Variants in RANGAP1 observed in about 807,000 individuals in gnomAD.
RANGAP1 encodes ran GTPase-activating protein 1.
RANGAP1 carries 38 observed loss-of-function variants against 63.5 expected under a neutral mutation model. The ratio of observed to expected loss-of-function variants is 0.60; its 90% CI spans 0.46 to 0.78. RANGAP1 has a LOEUF of 0.78. Among genes scored for constraint, RANGAP1 ranks in the 30% least tolerant of loss-of-function variants. RANGAP1 has a pLI of 0.00. For synonymous variants in RANGAP1, 329 were observed against 310.5 expected (o/e 1.06, Z -0.63); for missense variants, 630 against 740.3 (o/e 0.85, Z 1.73).
intron 5 of RANGAP1, among the ~76,000 whole-genome samples, chr22:41,263,573 TG>T (rs1296309648): frequency 6.6e-6 from 1 of 152,162 alleles, no homozygotes; most frequent in Non-Finnish European, 1.5e-5. Flanking sequence ...TTAGTAGAGA[TG>T]GGGTTTCACC....
chr22:41,268,828 G>A (rs774813435), intron 3 of RANGAP1, among the ~76,000 whole-genome samples: 3 of 152,094 alleles, frequency 2.0e-5, no homozygotes, highest in Admixed American at 6.5e-5. Flanking sequence ...GCCGAGGCGG[G>A]CAGATCACTT....
At chr22:41,269,500 G>C (rs189925975) in intron 3 of RANGAP1, among the ~76,000 whole-genome samples, 1 of 151,406 alleles carries the variant, frequency 6.6e-6, no homozygotes, top group East Asian at 1.9e-4. Context: ...CTTGGGAGGC[G>C]GAGACAGGCA....
intron 11 of RANGAP1, among the ~76,000 whole-genome samples, chr22:41,253,779 G>A (rs2033633024): frequency 6.6e-6 from 1 of 152,184 alleles, no homozygotes; most frequent in South Asian, 2.1e-4. Context: ...ACTGCTACCT[G>A]TAAATAGACA....
At chr22:41,264,538 A>G in intron 5 of RANGAP1, 126 bp downstream of exon 5, 1 of 1,214,152 alleles carries the variant, frequency 8.2e-7, no homozygotes, top group Non-Finnish European at 1.1e-6. Context: ...GTTGCCTTTG[A>G]GGCCTTTCTC....
At chr22:41,273,066 G>T (rs948522233) in intron 3 of RANGAP1, among the ~76,000 whole-genome samples, 1 of 152,164 alleles carries the variant, frequency 6.6e-6, no homozygotes, top group Non-Finnish European at 1.5e-5. Context: ...AAAGTGCTGG[G>T]ATTATAGCTG....
intron 4 of RANGAP1, among the ~76,000 whole-genome samples, chr22:41,267,703 G>C (rs1007960412): frequency 5.3e-5 from 8 of 152,148 alleles, no homozygotes; most frequent in African/African-American, 1.9e-4. Context: ...AGATGGGGAC[G>C]GCTACATGGG....
intron 3 of RANGAP1, among the ~76,000 whole-genome samples, chr22:41,272,311 A>C (rs1374205622): frequency 6.6e-6 from 1 of 152,128 alleles, no homozygotes; most frequent in Non-Finnish European, 1.5e-5. Context: ...GCAGGAGAGC[A>C]GAAACAATCA....
chr22:41,283,561 A>C (rs764012246), intron 1 of RANGAP1, among the ~76,000 whole-genome samples: 2 of 152,108 alleles, frequency 1.3e-5, no homozygotes, highest in African/African-American at 2.4e-5. Flanking sequence ...ACAACAACAA[A>C]AAGGCATTAT....
intron 1 of RANGAP1, 98 bp downstream of exon 1, chr22:41,285,888 G>GGCCGAA (rs1447300736): frequency 5.4e-6 from 1 of 185,882 alleles, no homozygotes; most frequent in Non-Finnish European, 1.0e-5. Flanking sequence ...AGAAGGCCGA[G>GGCCGAA]GGGGCAGGCA....
rs779179722 is a variant in RANGAP1 at position 41,280,935 on chromosome 22, T to A, written c.110A>T (p.Asp37Val). 1 of 1,613,956 alleles carries A rather than the reference T, an allele frequency of 6.2e-7. No individual in the cohort carries two copies. The highest frequency in any genetic ancestry group is 8.5e-7 in the Non-Finnish European group (1 of 1,180,022). ...GTGCACAACTTCCAGAAACTCACCA[T>A]CTTCTGCAGTGTTGAGTTTGAGGCT... ...GKSLKLNTAE[D>V]AKDVIKEIED... The change falls in exon 2 of 16, where the codon GAT (aspartate) becomes GTT (valine). Residue 37 changes from aspartate to valine, a missense_variant and splice_region_variant. By Grantham distance (152) the Asp-to-Val change is radical. Coordinates refer to ENST00000356244, the MANE Select transcript of RANGAP1 (RefSeq NM_002883.4).
At chr22:41,252,805 T>C in intron 12 of RANGAP1, 67 bp downstream of exon 12, 2 of 1,453,620 alleles carry the variant, frequency 1.4e-6, no homozygotes, top group Non-Finnish European at 1.8e-6. Flanking sequence ...GAGCTGTTCG[T>C]CCCTTTTCTC....
chr22:41,273,100 G>A (rs1045653054), intron 3 of RANGAP1, among the ~76,000 whole-genome samples: 5 of 152,112 alleles, frequency 3.3e-5, no homozygotes, highest in Admixed American at 6.6e-5. Context: ...CCGACTGATC[G>A]TGGCTATTTA....
At chr22:41,251,266 G>A (rs1055858942) in intron 12 of RANGAP1, among the ~76,000 whole-genome samples, 157 bp from the exon 13 acceptor site, 3 of 152,166 alleles carry the variant, frequency 2.0e-5, no homozygotes, top group African/African-American at 7.2e-5. Flanking sequence ...GTCTGGCTTG[G>A]ATTTGGCCTG....
At chr22:41,270,617 T>C (rs1447633257) in intron 3 of RANGAP1, among the ~76,000 whole-genome samples, 1 of 152,158 alleles carries the variant, frequency 6.6e-6, no homozygotes, top group Admixed American at 6.6e-5. Flanking sequence ...CCAGCTAATT[T>C]TTGTATCTTT....
intron 15 of RANGAP1, 108 bp downstream of exon 15, chr22:41,249,222 A>G: frequency 7.0e-7 from 1 of 1,420,796 alleles, no homozygotes; most frequent in South Asian, 1.4e-5. Context: ...GAGTGGGGCC[A>G]GCAGGCTGGC....
chr22:41,260,008 T>TA (rs1051452794), intron 6 of RANGAP1, among the ~76,000 whole-genome samples: 2 of 127,528 alleles, frequency 1.6e-5, no homozygotes, highest in Non-Finnish European at 3.5e-5. Context: ...CCTGCCTCAA[T>TA]AAAATTTTTT....
chr22:41,300,173 A>T, the RANGAP1 span, among the ~76,000 whole-genome samples: 1 of 152,024 alleles, frequency 6.6e-6, no homozygotes, highest in South Asian at 2.1e-4. Context: ...AAGAGATAAG[A>T]GGCTGGTGTC....
chr22:41,252,337 G>T (rs973240497), intron 12 of RANGAP1, among the ~76,000 whole-genome samples: 26 of 152,138 alleles, frequency 1.7e-4, no homozygotes, highest in African/African-American at 6.3e-4. Flanking sequence ...ATAAAATAAA[G>T]TAAGGGCAGC....
At chr22:41,272,088 C>G (rs2034871807) in intron 3 of RANGAP1, among the ~76,000 whole-genome samples, 1 of 152,210 alleles carries the variant, frequency 6.6e-6, no homozygotes, top group Admixed American at 6.5e-5. Context: ...CTCAGAGCTG[C>G]ACGCAGGGCA....
Sources: allele counts gnomAD v4.1 joint callset (sites outside exome capture counted in the v4.1 genomes callset), GRCh38; gene constraint gnomAD v4.1.1; transcripts MANE v1.5; gene names NCBI Gene and HGNC (gene_info 2026-07-23, HGNC 2026-07-21).